Variants in CSMD1 observed in about 807,000 individuals in gnomAD.
CSMD1 encodes the protein CUB and sushi domain-containing protein 1.
CSMD1 carries 213 observed loss-of-function variants against 417.5 expected under a neutral mutation model. The ratio of observed to expected loss-of-function variants is 0.51; its 90% CI spans 0.46 to 0.57. The LOEUF (loss-of-function observed/expected upper bound fraction) is 0.57. Ranked by LOEUF, CSMD1 falls within the 20% of genes least tolerant of loss-of-function variation. The pLI, the probability that CSMD1 is intolerant of heterozygous loss-of-function variation, is 0.00. For missense variants in CSMD1, 6,923 were observed against 4,529.7 expected, an observed-to-expected ratio of 1.53 and a Z score of -15.17; for synonymous variants, 2,862 against 1,736.8, an observed-to-expected ratio of 1.65 and a Z score of -16.11.
Position 3,300,224 on chromosome 8 carries a change from A to C in CSMD1, c.3950+7471T>G, listed in dbSNP as rs1183493673. Among the ~76,000 whole-genome samples, 3 of 151,520 alleles carry C rather than the reference A, an allele frequency of 2.0e-5. 1 individual carries two copies. Among genetic ancestry groups the C allele is most frequent in the African/African-American group, 7.2e-5 (3 of 41,426 alleles). Reference sequence around the variant, plus strand: ...ATGTTCAGAATAACATGGCGTAAAAAATAATTAAATAAAAAGATAAATGAA... The same window carrying C: ...ATGTTCAGAATAACATGGCGTAAAACATAATTAAATAAAAAGATAAATGAA... On this transcript the variant is annotated intron_variant, in intron 25 of 69. Transcript: ENST00000635120.
intron 6 of CSMD1, among the ~76,000 whole-genome samples, chr8:3,718,666 C>T (rs1280921917): frequency 6.6e-6 from 1 of 152,068 alleles, no homozygotes; most frequent in Non-Finnish European, 1.5e-5. Context: ...GTGAGAATGT[C>T]CACAAAACCT....
chr8:4,577,650 C>T (rs1164136537), intron 2 of CSMD1, among the ~76,000 whole-genome samples: 1 of 152,214 alleles, frequency 6.6e-6, no homozygotes, highest in Non-Finnish European at 1.5e-5. Flanking sequence ...ACTTCAGTTT[C>T]TCTATGAAAG....
intron 3 of CSMD1, among the ~76,000 whole-genome samples, chr8:4,051,874 TC>T (rs1454635485): frequency 0.056 from 349 of 6,180 alleles, 3 homozygotes; most frequent in Non-Finnish European, 0.07. Context: ...CTTTCCTTCC[TC>T]CTTTCTTCCT....
At chr8:4,918,970 ACGATTG>A (rs1477796012) in intron 1 of CSMD1, among the ~76,000 whole-genome samples, 5 of 152,170 alleles carry the variant, frequency 3.3e-5, no homozygotes, top group Non-Finnish European at 7.4e-5. Flanking sequence ...CTTTGCTATT[ACGATTG>A]AGTTGTTTGG....
chr8:3,911,605 C>G (rs959131122), intron 5 of CSMD1, among the ~76,000 whole-genome samples: 2 of 151,762 alleles, frequency 1.3e-5, no homozygotes, highest in African/African-American at 4.8e-5. Flanking sequence ...TTTCCAGTTT[C>G]TCTGCCATCC....
chr8:3,799,025 T>C lies in CSMD1; in HGVS notation c.819-44983A>G, dbSNP rs75980634. On this transcript the variant is annotated intron_variant, in intron 5 of 69. Coordinates refer to ENST00000635120, the MANE Select transcript of CSMD1 (RefSeq NM_033225.6). ...ATGTAATATAATACTTTTTCAGATCTGAAAAAGTTAACAATCTTTGTATAG... is the reference window on the plus strand; with the variant it reads ...ATGTAATATAATACTTTTTCAGATCCGAAAAAGTTAACAATCTTTGTATAG... Among the ~76,000 whole-genome samples the C allele has an allele frequency of 5.5e-3, 841 of 152,170 alleles. 3 individuals carry two copies. Among genetic ancestry groups the C allele is most frequent in the Non-Finnish European group, 8.0e-3 (542 of 67,972 alleles).
At chr8:3,362,727 C>T (rs7350119) in intron 20 of CSMD1, among the ~76,000 whole-genome samples, 19 of 152,126 alleles carry the variant, frequency 1.2e-4, no homozygotes, top group East Asian at 7.8e-4. Context: ...GTGGTTTTCA[C>T]GTAAAACAGA....
chr8:3,934,880 T>C (rs929412290), intron 5 of CSMD1, among the ~76,000 whole-genome samples: 3 of 151,968 alleles, frequency 2.0e-5, no homozygotes, highest in East Asian at 1.9e-4. Context: ...ATAAAAACAA[T>C]TGGTATATCT....
At chr8:4,743,080 T>C (rs1316221567) in intron 1 of CSMD1, among the ~76,000 whole-genome samples, 1 of 152,200 alleles carries the variant, frequency 6.6e-6, no homozygotes, top group Non-Finnish European at 1.5e-5. Flanking sequence ...ACATTAAAAT[T>C]GGCTCTGCTA....
intron 2 of CSMD1, among the ~76,000 whole-genome samples, chr8:4,532,460 C>G (rs906359386): frequency 1.4e-5 from 2 of 147,240 alleles, no homozygotes; most frequent in Admixed American, 6.8e-5. Flanking sequence ...GAAGAGAAAT[C>G]CTGCACCCCC....
At chr8:2,940,359 G>C (rs964517286) in intron 69 of CSMD1, among the ~76,000 whole-genome samples, 1 of 152,200 alleles carries the variant, frequency 6.6e-6, no homozygotes, top group African/African-American at 2.4e-5. Context: ...CTTGAGAACT[G>C]TGAGAGGGAA....
chr8:4,348,169 G>A (rs905625435), intron 3 of CSMD1, among the ~76,000 whole-genome samples: 13 of 152,256 alleles, frequency 8.5e-5, no homozygotes, highest in African/African-American at 3.1e-4. Flanking sequence ...CATATTTACT[G>A]CATATGATCT....
intron 3 of CSMD1, among the ~76,000 whole-genome samples, chr8:4,189,195 A>G (rs1647307): frequency 1.3e-5 from 2 of 152,236 alleles, no homozygotes; most frequent in Non-Finnish European, 2.9e-5. Flanking sequence ...GTGCCCAGCT[A>G]TGCAAACTCA....
chr8:3,856,797 A>T (rs185270797), intron 5 of CSMD1, among the ~76,000 whole-genome samples: 1 of 152,252 alleles, frequency 6.6e-6, no homozygotes, highest in African/African-American at 2.4e-5. Flanking sequence ...TTACAGATAC[A>T]GGCTACTCCC....
chr8:4,194,264 G>T (rs939191272), intron 3 of CSMD1, among the ~76,000 whole-genome samples: 10 of 152,072 alleles, frequency 6.6e-5, no homozygotes, highest in Non-Finnish European at 1.2e-4. Flanking sequence ...AGTGAATTTA[G>T]AAATTATAAT....
chr8:4,838,561 G>A (rs1412981154), intron 1 of CSMD1, among the ~76,000 whole-genome samples: 3 of 152,226 alleles, frequency 2.0e-5, no homozygotes, highest in East Asian at 1.9e-4. Context: ...ACACCTGGGT[G>A]GGGGTGCATG....
rs1414524097 is a variant in CSMD1 at position 3,926,098 on chromosome 8, C to CACACAAACACCAT, written c.818+71804_818+71805insATGGTGTTTGTGT. 6.0e-4 allele frequency among the ~76,000 whole-genome samples: 49 copies of CACACAAACACCAT among 81,952 alleles called. 1 individual carries two copies. The highest frequency in any genetic ancestry group is 1.6e-3 in the African/African-American group (30 of 19,070). 53.8% of individuals were successfully genotyped at this position (81,952 alleles called of 152,430 possible). ...CAAACACCATACACACACACACACA[C>CACACAAACACCAT]ACACACACACACACACACACACACA... On this transcript the variant is annotated intron_variant, in intron 5 of 69. Coordinates refer to ENST00000635120, the MANE Select transcript of CSMD1 (RefSeq NM_033225.6).
At chr8:4,449,411 A>C (rs1317297829) in intron 2 of CSMD1, among the ~76,000 whole-genome samples, 4 of 152,184 alleles carry the variant, frequency 2.6e-5, no homozygotes, top group African/African-American at 9.7e-5. Context: ...CTATGTTTAG[A>C]ATAGCCGTGT....
intron 3 of CSMD1, among the ~76,000 whole-genome samples, chr8:4,068,673 T>C (rs1376056254): frequency 6.6e-6 from 1 of 152,160 alleles, no homozygotes; most frequent in Non-Finnish European, 1.5e-5. Flanking sequence ...ATGGAAAAGA[T>C]AAAACTATTA....
Sources: allele counts gnomAD v4.1 joint callset (sites outside exome capture counted in the v4.1 genomes callset), GRCh38; gene constraint gnomAD v4.1.1; transcripts MANE v1.5; gene names NCBI Gene and HGNC (gene_info 2026-07-23, HGNC 2026-07-21).